The following CDRT4 variants were observed in gnomAD, a reference collection of about 807,000 sequenced individuals.
CDRT4 encodes CMT1A duplicated region transcript 4.
For synonymous variants in CDRT4, 64 were observed against 69.6 expected (o/e 0.92, Z 0.40); for missense variants, 167 against 193.1 (o/e 0.87, Z 0.80).
intron 2 of CDRT4, among the ~76,000 whole-genome samples, chr17:15,449,512 C>A (rs1172610903): frequency 6.6e-6 from 1 of 152,218 alleles, no homozygotes; most frequent in East Asian, 1.9e-4. Context: ...CTTCTCCCTT[C>A]CTACTCTTTT....
intron 1 of CDRT4, among the ~76,000 whole-genome samples, chr17:15,466,348 G>A (rs1980041615): frequency 6.6e-6 from 1 of 152,110 alleles, no homozygotes; most frequent in Non-Finnish European, 1.5e-5. Flanking sequence ...CTGGGCGCTG[G>A]GCCAGCTTCC....
intron 2 of CDRT4, among the ~76,000 whole-genome samples, chr17:15,449,694 C>A (rs1548679): frequency 0.17 from 26,235 of 152,110 alleles, 3,998 homozygotes; most frequent in East Asian, 0.48. Flanking sequence ...GTAATTGTTC[C>A]ACCCTCACCC....
chr17:15,448,704 A>G (rs898904668), intron 2 of CDRT4, among the ~76,000 whole-genome samples: 1 of 152,014 alleles, frequency 6.6e-6, no homozygotes, highest in African/African-American at 2.4e-5. Flanking sequence ...CCATCCTCAA[A>G]CCATTTTCCT....
intron 2 of CDRT4, among the ~76,000 whole-genome samples, chr17:15,449,407 C>G (rs962150494): frequency 6.6e-6 from 1 of 152,212 alleles, no homozygotes; most frequent in Non-Finnish European, 1.5e-5. Context: ...CAGGATTTGC[C>G]CTCAGGCAGT....
At chr17:15,441,903 C>T (rs758773909) in intron 2 of CDRT4, among the ~76,000 whole-genome samples, 1 of 152,206 alleles carries the variant, frequency 6.6e-6, no homozygotes, top group East Asian at 1.9e-4. Context: ...AGTCATCTAA[C>T]GTAGAGAAAG....
intron 2 of CDRT4, chr17:15,443,771 G>C (rs1422551092): frequency 2.0e-6 from 1 of 509,280 alleles, no homozygotes; most frequent in Non-Finnish European, 3.8e-6. Flanking sequence ...AGTCTTCTCG[G>C]ACAGAAAACA....
intron 2 of CDRT4, chr17:15,444,180 G>C: frequency 9.0e-7 from 1 of 1,116,268 alleles, no homozygotes; most frequent in Non-Finnish European, 1.3e-6. Flanking sequence ...TGTTCAGCAG[G>C]CCGATGAATA....
At chr17:15,465,867 C>T (rs775017449) in intron 1 of CDRT4, among the ~76,000 whole-genome samples, 16 of 151,814 alleles carry the variant, frequency 1.1e-4, no homozygotes, top group Non-Finnish European at 1.3e-4. Flanking sequence ...GGACTCCAGA[C>T]CCCTGAGGGT....
At chr17:15,460,630 G>A (rs577019152) in intron 1 of CDRT4, among the ~76,000 whole-genome samples, 23 of 151,668 alleles carry the variant, frequency 1.5e-4, no homozygotes, top group Non-Finnish European at 2.8e-4. Context: ...CCCCATATCC[G>A]CCTGGTTGCC....
chr17:15,451,814 TG>T (rs1436952548), intron 2 of CDRT4, among the ~76,000 whole-genome samples: 1 of 152,254 alleles, frequency 6.6e-6, no homozygotes, highest in Non-Finnish European at 1.5e-5. Flanking sequence ...TTTAATACTC[TG>T]TCTAACACTA....
intron 2 of CDRT4, among the ~76,000 whole-genome samples, chr17:15,440,761 AG>A (rs1403152769): frequency 6.6e-6 from 1 of 152,200 alleles, no homozygotes; most frequent in African/African-American, 2.4e-5. Flanking sequence ...GTCAGCTACC[AG>A]GGCCCCAAGC....
chr17:15,459,728 G>A (rs190728299), intron 1 of CDRT4, among the ~76,000 whole-genome samples: 13 of 152,236 alleles, frequency 8.5e-5, no homozygotes, highest in Admixed American at 7.2e-4. Context: ...TTACAGGCAT[G>A]AGCCACCGTG....
At chr17:15,443,038 G>A (rs1239662641) in intron 2 of CDRT4, among the ~76,000 whole-genome samples, 1 of 152,120 alleles carries the variant, frequency 6.6e-6, no homozygotes, top group Non-Finnish European at 1.5e-5. Context: ...CAAAGCCCAA[G>A]TTCAGACTAC....
intron 2 of CDRT4, among the ~76,000 whole-genome samples, chr17:15,447,871 CAAGT>C (rs964376743): frequency 1.3e-5 from 2 of 152,088 alleles, no homozygotes; most frequent in African/African-American, 2.4e-5. Context: ...GCAGACTGGA[CAAGT>C]AAGAAAGATA....
intron 2 of CDRT4, among the ~76,000 whole-genome samples, chr17:15,443,248 A>C (rs1978853773): frequency 6.6e-6 from 1 of 151,932 alleles, no homozygotes; most frequent in Non-Finnish European, 1.5e-5. Flanking sequence ...CTCCTGTCCC[A>C]GAAGACACAG....
At position 15,439,042 on chromosome 17, in the gene CDRT4, T is replaced by A. The variant is rs891024468; in HGVS notation, c.32-842A>T. On this transcript the variant is annotated intron_variant, in intron 3 of 3. Coordinates refer to ENST00000619038, the MANE Select transcript of CDRT4 (RefSeq NM_001204477.2). Reference sequence around the variant, plus strand: ...CGCATTAGTTTATCAAGCAGCCTGTTCCTTTACAGATCCAAAATCATGGGC... The same window carrying A: ...CGCATTAGTTTATCAAGCAGCCTGTACCTTTACAGATCCAAAATCATGGGC... 62 of 451,936 alleles carry A rather than the reference T, an allele frequency of 1.4e-4. 2 individuals carry two copies. Among genetic ancestry groups the A allele is most frequent in the Non-Finnish European group, 2.7e-5 (6 of 225,146 alleles). The allele number at this position is 451,936 out of a possible 1,614,324, so 28.0% of individuals were successfully genotyped here. A position where few individuals can be genotyped will look rare whatever the true frequency, so the allele number is the denominator to read the frequency against.
intron 1 of CDRT4, among the ~76,000 whole-genome samples, 193 bp from the exon 2 acceptor site, chr17:15,453,278 T>C (rs760767523): frequency 1.4e-4 from 22 of 152,202 alleles, no homozygotes; most frequent in Non-Finnish European, 1.5e-4. Context: ...GGCAGAAACC[T>C]TTAATTATTC....
chr17:15,439,032 A>C (rs868120541), intron 3 of CDRT4: 1 of 433,196 alleles, frequency 2.3e-6, no homozygotes, highest in African/African-American at 2.0e-5. Context: ...TAGTTTATCA[A>C]GCAGCCTGTT....
intron 2 of CDRT4, among the ~76,000 whole-genome samples, chr17:15,447,269 C>T (rs1979068536): frequency 6.6e-6 from 1 of 152,180 alleles, no homozygotes; most frequent in Non-Finnish European, 1.5e-5. Flanking sequence ...GAGCTCACAG[C>T]CCCATGAGGA....
Sources: gnomAD v4.1 joint callset for allele counts (sites outside exome capture counted in the v4.1 genomes callset) on GRCh38, gnomAD v4.1.1 for gene constraint, MANE v1.5 for transcripts, NCBI Gene and HGNC (gene_info 2026-07-23, HGNC 2026-07-21) for gene names.